Variants in WWOX observed in about 807,000 individuals in gnomAD.
WWOX encodes the protein WW domain-containing oxidoreductase.
In WWOX, 69 loss-of-function variants were observed where a neutral mutation model predicts 46.2. The observed-to-expected ratio is 1.49, with a 90% confidence interval of 1.23 to 1.82. The LOEUF (loss-of-function observed/expected upper bound fraction) is 1.82. WWOX is among the 40% of genes most tolerant of loss of function. The pLI, the probability that WWOX is intolerant of heterozygous loss-of-function variation, is 0.00. For missense variants in WWOX, 919 were observed against 542.6 expected, an observed-to-expected ratio of 1.69 and a Z score of -6.89; for synonymous variants, 359 against 202.6, an observed-to-expected ratio of 1.77 and a Z score of -6.56.
intron 8 of WWOX, among the ~76,000 whole-genome samples, chr16:78,577,330 C>G (rs559001713): frequency 6.6e-6 from 1 of 152,172 alleles, no homozygotes; most frequent in East Asian, 1.9e-4. Context: ...ATGTTTAAAA[C>G]CTTGTTCAGA....
At chr16:78,588,668 G>T (rs2045278503) in intron 8 of WWOX, among the ~76,000 whole-genome samples, 1 of 152,222 alleles carries the variant, frequency 6.6e-6, no homozygotes, top group Non-Finnish European at 1.5e-5. Context: ...GTTCTTTCCT[G>T]CTGAGGTGTC....
intron 5 of WWOX, among the ~76,000 whole-genome samples, chr16:78,226,060 A>T (rs373717067): frequency 6.6e-6 from 1 of 152,190 alleles, no homozygotes; most frequent in Non-Finnish European, 1.5e-5. Context: ...ATGTTGGCTC[A>T]CTTGGTGAAT....
chr16:78,926,209 C>T (rs149172691), intron 8 of WWOX, among the ~76,000 whole-genome samples: 1 of 151,924 alleles, frequency 6.6e-6, no homozygotes, highest in Non-Finnish European at 1.5e-5. Context: ...CCTTACCTCT[C>T]AAAAATTTAC....
chr16:78,359,106 C>T (rs11648262), intron 5 of WWOX, among the ~76,000 whole-genome samples: 111,900 of 151,516 alleles, frequency 0.74, 42,745 homozygotes, highest in African/African-American at 0.84. Flanking sequence ...AGCTTCTTCC[C>T]ATATATACTC....
chr16:78,457,117 A>G (rs537163354), intron 8 of WWOX, among the ~76,000 whole-genome samples: 3 of 152,202 alleles, frequency 2.0e-5, no homozygotes, highest in Non-Finnish European at 4.4e-5. Context: ...TTCAGACAGA[A>G]TGGTAACATT....
At position 78,588,324 on chromosome 16, in the gene WWOX, G is replaced by A. The variant is rs188699126; in HGVS notation, c.1056+155572G>A. Among the ~76,000 whole-genome samples the A allele has an allele frequency of 2.7e-3, 415 of 152,264 alleles. 1 individual carries two copies. Among genetic ancestry groups the A allele is most frequent in the Non-Finnish European group, 4.7e-3 (321 of 68,016 alleles). On this transcript the variant is annotated intron_variant, in intron 8 of 8. Transcript: ENST00000566780. ...GCGGATAATGGATAATCTGGCTATT[G>A]CATTTAATTCCCAGCCTGATTTATT...
intron 8 of WWOX, among the ~76,000 whole-genome samples, chr16:79,037,172 C>T (rs527354035): frequency 6.6e-6 from 1 of 152,238 alleles, no homozygotes; most frequent in South Asian, 2.1e-4. Flanking sequence ...CTGCCAGCAC[C>T]ATCAGAAAAG....
At chr16:78,603,339 C>T (rs543468820) in intron 8 of WWOX, among the ~76,000 whole-genome samples, 2 of 152,324 alleles carry the variant, frequency 1.3e-5, no homozygotes, top group South Asian at 4.2e-4. Context: ...AAAAAGATCT[C>T]ATTCTGAGTA....
At chr16:78,847,942 C>A (rs552174191) in intron 8 of WWOX, among the ~76,000 whole-genome samples, 5 of 152,232 alleles carry the variant, frequency 3.3e-5, no homozygotes, top group African/African-American at 1.2e-4. Flanking sequence ...ACTGCACGAA[C>A]AACCCTGAGC....
chr16:78,642,698 G>A (rs1338418034), intron 8 of WWOX, among the ~76,000 whole-genome samples: 3 of 152,042 alleles, frequency 2.0e-5, no homozygotes, highest in African/African-American at 4.8e-5. Flanking sequence ...CACCTCGACC[G>A]CTATGGTATT....
chr16:79,092,047 C>G (rs373562910), intron 8 of WWOX, among the ~76,000 whole-genome samples: 1 of 152,154 alleles, frequency 6.6e-6, no homozygotes, highest in East Asian at 1.9e-4. Context: ...TCCCAAAGTG[C>G]TGGGATTACA....
intron 8 of WWOX, among the ~76,000 whole-genome samples, chr16:78,964,429 T>C (rs1388856124): frequency 1.3e-5 from 2 of 152,204 alleles, no homozygotes; most frequent in South Asian, 2.1e-4. Flanking sequence ...ATTTTGCCCC[T>C]GCGCTAGAGA....
intron 8 of WWOX, among the ~76,000 whole-genome samples, chr16:79,111,482 C>T (rs1432525955): frequency 1.3e-5 from 2 of 152,194 alleles, no homozygotes; most frequent in African/African-American, 4.8e-5. Context: ...TGAAATCAAG[C>T]ACTCGAGTAT....
chr16:78,789,902 A>T (rs1345019526), intron 8 of WWOX, among the ~76,000 whole-genome samples: 1 of 152,148 alleles, frequency 6.6e-6, no homozygotes, highest in Non-Finnish European at 1.5e-5. Flanking sequence ...GACAGTTGTA[A>T]ACTTAAACTC....
At chr16:79,067,813 C>T (rs12324967) in intron 8 of WWOX, among the ~76,000 whole-genome samples, 15,328 of 152,208 alleles carry the variant, frequency 0.1, 841 homozygotes, top group Middle Eastern at 0.16. Flanking sequence ...AATGAGTGTG[C>T]TGCTGACAGT....
At chr16:78,551,662 C>G in intron 8 of WWOX, 1 of 151,716 alleles carries the variant, frequency 6.6e-6, no homozygotes, top group South Asian at 2.1e-4. Flanking sequence ...CCCACCTGCC[C>G]CCGCCCCGTT....
chr16:79,208,819 A>G (rs1451981554), intron 8 of WWOX, among the ~76,000 whole-genome samples: 1 of 152,172 alleles, frequency 6.6e-6, no homozygotes, highest in African/African-American at 2.4e-5. Context: ...TGTCACTCAG[A>G]GGTTGCCATT....
At chr16:78,806,510 C>A (rs1007688435) in intron 8 of WWOX, among the ~76,000 whole-genome samples, 1 of 152,154 alleles carries the variant, frequency 6.6e-6, no homozygotes, top group Admixed American at 6.5e-5. Context: ...AGGTTGTTCA[C>A]TCATGAGTCT....
chr16:79,154,996 T>A (rs943675440), intron 8 of WWOX, among the ~76,000 whole-genome samples: 43 of 152,250 alleles, frequency 2.8e-4, no homozygotes, highest in African/African-American at 9.9e-4. Context: ...GTCATGCTTA[T>A]TTCAAAAGAT....
Sources: allele counts gnomAD v4.1 joint callset (sites outside exome capture counted in the v4.1 genomes callset), GRCh38; gene constraint gnomAD v4.1.1; transcripts MANE v1.5; gene names NCBI Gene and HGNC (gene_info 2026-07-23, HGNC 2026-07-21).